Variants in APOLD1 observed in about 807,000 individuals in gnomAD.
APOLD1 encodes apolipoprotein L domain containing 1.
APOLD1 carries 22 observed loss-of-function variants against 15.3 expected under a neutral mutation model. The observed-to-expected ratio is 1.44, with a 90% CI of 1.03 to 2.05. The LOEUF (loss-of-function observed/expected upper bound fraction) is 2.05. Ranked by LOEUF, APOLD1 falls within the 30% of genes most tolerant of loss-of-function variation. The pLI is 0.00. For missense variants in APOLD1, 394 were observed against 353.5 expected (o/e 1.11, Z -0.92); for synonymous variants, 190 against 167.4 (o/e 1.13, Z -1.04).
intron 1 of APOLD1, among the ~76,000 whole-genome samples, chr12:12,752,132 A>C (rs951457270): frequency 6.6e-6 from 1 of 152,222 alleles, no homozygotes; most frequent in African/African-American, 2.4e-5. Context: ...AATTTTTTAC[A>C]GTGGAAAGAA....
chr12:12,750,516 A>G (rs1166032328), intron 1 of APOLD1, among the ~76,000 whole-genome samples: 2 of 151,832 alleles, frequency 1.3e-5, no homozygotes, highest in Non-Finnish European at 2.9e-5. Context: ...TTATAAGGAG[A>G]TGGATTTCAT....
At chr12:12,746,018 A>G (rs111523017) in intron 1 of APOLD1, among the ~76,000 whole-genome samples, 2,229 of 152,192 alleles carry the variant, frequency 0.015, 64 homozygotes, top group African/African-American at 0.051. Flanking sequence ...AATCCCCTGA[A>G]TGCCATGTGG....
At chr12:12,762,871 C>T (rs1049086390) in intron 1 of APOLD1, among the ~76,000 whole-genome samples, 6 of 151,968 alleles carry the variant, frequency 3.9e-5, no homozygotes, top group African/African-American at 1.2e-4. Context: ...TTAGCCTGGG[C>T]GCCGTAGCTC....
rs1220505444 is a variant in APOLD1, at chr12:12,726,173, A to AAG, written c.96+78_96+79insGA. ...TTCGCAACCAAAAAAAAAAAAAAAA[A>AAG]AAAAAAAGAGGAAATAGAGGAAAAA... On this transcript the variant is annotated intron_variant, in intron 1 of 1. Transcript: ENST00000326765. 43 of 966,652 alleles carry AAG rather than the reference A, an allele frequency of 4.4e-5. No homozygotes were observed. In the Admixed American group the frequency reaches 4.6e-4, roughly 10 times the overall value. The allele number at this position is 966,652 out of a possible 1,614,324, so 59.9% of individuals were successfully genotyped here.
intron 1 of APOLD1, among the ~76,000 whole-genome samples, chr12:12,752,168 A>G (rs1946817170): frequency 6.6e-6 from 1 of 152,210 alleles, no homozygotes; most frequent in Non-Finnish European, 1.5e-5. Flanking sequence ...AAGGAACTTG[A>G]TTTTATCTCC....
intron 1 of APOLD1, among the ~76,000 whole-genome samples, chr12:12,768,403 C>A (rs565469271): frequency 2.0e-5 from 3 of 151,992 alleles, no homozygotes; most frequent in Non-Finnish European, 4.4e-5. Context: ...GAGGCTGAGG[C>A]AGGAAGATCA....
intron 1 of APOLD1, among the ~76,000 whole-genome samples, chr12:12,756,678 C>A (rs573561810): frequency 1.7e-4 from 26 of 152,352 alleles, no homozygotes; most frequent in African/African-American, 6.3e-4. Flanking sequence ...CTATTCTCTT[C>A]TCCCCTGTCC....
rs750725586 is a variant in APOLD1, at chr12:12,787,182, G to C, written c.277G>C (p.Gly93Arg). Residue 93 changes from glycine (G) to arginine (R), a missense_variant, in exon 2 of 2, where the codon GGG (glycine) becomes CGG (arginine). Physicochemically the swap from Gly to Arg is moderately radical, Grantham distance 125 (BLOSUM62 -2). Coordinates refer to ENST00000356591, the MANE Select transcript of APOLD1 (RefSeq NM_030817.3). The surrounding 1 kb of genome is among the most constrained non-coding windows in gnomAD (Gnocchi z 4.9). ...GCTGCTGGTGTCGGCCGTGGGGCTG[G>C]GGGTGGCCACAGCCGGAGGGGCCGT... ...TSLLVSAVGL[G>R]VATAGGAVTI... The C allele has an allele frequency of 1.9e-6, 3 of 1,541,486 alleles. No homozygotes were observed. In the Admixed American group the frequency reaches 5.8e-5, roughly 30 times the overall value.
intron 1 of APOLD1, among the ~76,000 whole-genome samples, chr12:12,757,937 C>CTTTTT (rs144139766): frequency 1.6e-5 from 2 of 121,400 alleles, no homozygotes; most frequent in Non-Finnish European, 1.7e-5. Flanking sequence ...AATTCAATAT[C>CTTTTT]TTTTTTTTTT....
At chr12:12,748,029 G>C (rs1000241672) in intron 1 of APOLD1, among the ~76,000 whole-genome samples, 1 of 152,192 alleles carries the variant, frequency 6.6e-6, no homozygotes, top group African/African-American at 2.4e-5. Context: ...GCCTTGACAA[G>C]GGCATGGGGC....
intron 1 of APOLD1, among the ~76,000 whole-genome samples, chr12:12,749,749 G>A (rs1311187043): frequency 6.6e-6 from 1 of 152,136 alleles, no homozygotes; most frequent in Non-Finnish European, 1.5e-5. Flanking sequence ...TCTGTAACCC[G>A]GGTTTTTGAG....
chr12:12,784,596 C>T (rs919772183), upstream of APOLD1, among the ~76,000 whole-genome samples: 22 of 152,094 alleles, frequency 1.4e-4, no homozygotes, highest in Admixed American at 1.2e-3. Context: ...CAGAATGATA[C>T]GGCTGTTAAG....
intron 1 of APOLD1, among the ~76,000 whole-genome samples, chr12:12,742,878 C>T (rs1289034271): frequency 6.6e-6 from 1 of 152,216 alleles, no homozygotes; most frequent in Non-Finnish European, 1.5e-5. Context: ...GATCCTCTCA[C>T]GTCAGCCTTC....
chr12:12,781,780 G>T (rs1947083457), upstream of APOLD1, among the ~76,000 whole-genome samples: 1 of 151,440 alleles, frequency 6.6e-6, no homozygotes, highest in Non-Finnish European at 1.5e-5. Flanking sequence ...GCCTGCCTCG[G>T]CCTCCCAAAG....
chr12:12,762,854 A>G (rs1206528651), intron 1 of APOLD1, among the ~76,000 whole-genome samples: 2 of 152,082 alleles, frequency 1.3e-5, no homozygotes, highest in Non-Finnish European at 2.9e-5. Context: ...TTTGGTTTTG[A>G]AATCAATTAG....
intron 1 of APOLD1, among the ~76,000 whole-genome samples, chr12:12,726,685 T>A (rs375294703): frequency 6.6e-6 from 1 of 152,198 alleles, no homozygotes; most frequent in Non-Finnish European, 1.5e-5. Flanking sequence ...AACTCAGTGG[T>A]GACATTTTTT....
intron 1 of APOLD1, among the ~76,000 whole-genome samples, chr12:12,735,775 C>CAATAAATAAATAAATAAATAAATAAATA (rs58759446): frequency 9.2e-4 from 138 of 150,558 alleles, no homozygotes; most frequent in African/African-American, 3.2e-3. Context: ...CTCATTTCTA[C>CAATAAATAAATAAATAAATAAATAAATA]AATAAATAAA....
intron 1 of APOLD1, among the ~76,000 whole-genome samples, chr12:12,762,243 G>T (rs546951566): frequency 6.6e-6 from 1 of 152,240 alleles, no homozygotes; most frequent in African/African-American, 2.4e-5. Flanking sequence ...CATGGAGGCA[G>T]GGCCACCCAG....
At chr12:12,725,978 G>A in exon 1 of APOLD1, 4 of 1,485,548 alleles carry the variant, frequency 2.7e-6, no homozygotes, top group Non-Finnish European at 2.7e-6. Flanking sequence ...CGGGGACAGA[G>A]ATGTAACCCA....
Sources: gnomAD v4.1 joint callset for allele counts (sites outside exome capture counted in the v4.1 genomes callset) on GRCh38, gnomAD v4.1.1 for gene constraint, Gnocchi (gnomAD v3.1) non-coding constraint, MANE v1.5 for transcripts, NCBI Gene and HGNC (gene_info 2026-07-23, HGNC 2026-07-21) for gene names.